Variants in EXOC4 observed in about 807,000 individuals in gnomAD.
EXOC4 encodes SEC8-like 1.
In EXOC4, 71 loss-of-function variants were observed where a neutral mutation model predicts 107.2. That is an observed-to-expected ratio of 0.66 (90% CI 0.55 to 0.81). The LOEUF (loss-of-function observed/expected upper bound fraction) is 0.81. Among genes scored for constraint, EXOC4 ranks in the 30% least tolerant of loss-of-function variants. EXOC4 has a pLI of 0.00. For missense variants in EXOC4, 1,108 were observed against 1,189.6 expected (o/e 0.93, Z 1.01); for synonymous variants, 456 against 441.2 (o/e 1.03, Z -0.42).
In EXOC4 at chr7:133,548,801, C is replaced by G. The variant is rs569085222; in HGVS notation, c.1417+68663C>G. ...GGTTGGTTTGATCTTCTATCCAGAC[C>G]ACTAAAACTTTCGCCATGTAAGAAA... On this transcript the variant is annotated intron_variant, in intron 9 of 17. Transcript: ENST00000253861. Among the ~76,000 whole-genome samples the G allele has an allele frequency of 5.9e-5, 9 of 152,314 alleles. No individual in the cohort carries two copies. The East Asian group carries it at 9.6e-4, about 16-fold the overall frequency.
chr7:134,093,063 T>A, the EXOC4 span, among the ~76,000 whole-genome samples: 1 of 151,918 alleles, frequency 6.6e-6, no homozygotes, highest in Admixed American at 6.6e-5. Context: ...AACTTCACCA[T>A]TGAATCAAAA....
At chr7:133,965,380 G>C in intron 14 of EXOC4, among the ~76,000 whole-genome samples, 1 of 152,168 alleles carries the variant, frequency 6.6e-6, no homozygotes, top group Non-Finnish European at 1.5e-5. Context: ...TGCTTTTGGT[G>C]TTTTAGTCAT....
At chr7:133,930,184 A>G (rs1222526305) in intron 13 of EXOC4, among the ~76,000 whole-genome samples, 4 of 152,152 alleles carry the variant, frequency 2.6e-5, no homozygotes, top group Admixed American at 2.6e-4. Context: ...TTCTTTTTGG[A>G]AAGTTACTGT....
intron 5 of EXOC4, among the ~76,000 whole-genome samples, chr7:133,327,384 A>T (rs1795273712): frequency 1.3e-5 from 2 of 152,158 alleles, no homozygotes; most frequent in African/African-American, 4.8e-5. Flanking sequence ...TCCAAAAACC[A>T]GCTCCTGGAT....
chr7:133,438,302 A>C (rs890887573), intron 7 of EXOC4, among the ~76,000 whole-genome samples: 14 of 152,280 alleles, frequency 9.2e-5, no homozygotes, highest in African/African-American at 3.4e-4. Context: ...AGGGCTCCTC[A>C]GAGTTCCTGA....
At chr7:133,255,910 GCTT>G (rs1363874777) in intron 1 of EXOC4, among the ~76,000 whole-genome samples, 3 of 151,906 alleles carry the variant, frequency 2.0e-5, no homozygotes, top group Non-Finnish European at 4.4e-5. Flanking sequence ...CTTGGAAGTT[GCTT>G]CTTGTATTTC....
intron 11 of EXOC4, among the ~76,000 whole-genome samples, chr7:133,888,149 C>T (rs577515494): frequency 5.0e-4 from 76 of 152,186 alleles, no homozygotes; most frequent in South Asian, 1.5e-3. Context: ...ACCACCAAAT[C>T]TTCTTGAATA....
intron 10 of EXOC4, among the ~76,000 whole-genome samples, chr7:133,643,900 T>C (rs1802923669): frequency 6.6e-6 from 1 of 152,196 alleles, no homozygotes; most frequent in African/African-American, 2.4e-5. Context: ...CTTCCTCTAC[T>C]GATCATTTTC....
intron 9 of EXOC4, among the ~76,000 whole-genome samples, chr7:133,564,641 G>A (rs1164180609): frequency 2.0e-5 from 3 of 152,126 alleles, no homozygotes; most frequent in Non-Finnish European, 2.9e-5. Flanking sequence ...CTCTTTTAGT[G>A]ATCAATTTTG....
rs148824451 is a variant in EXOC4 at position 133,750,302 on chromosome 7, A to G, written c.1515-67023A>G. On this transcript the variant is annotated intron_variant, in intron 10 of 17. Transcript: ENST00000253861. ...ATATTTCAAGCATATTTAGATCTCG[A>G]TGTGTTTAAGGATCATTGACCTGAA... 1.8e-4 allele frequency among the ~76,000 whole-genome samples: 28 copies of G among 152,130 alleles called. No individual in the cohort carries two copies. In the East Asian group the frequency reaches 4.7e-3, roughly 25 times the overall value.
chr7:133,333,603 A>G (rs931247823), intron 5 of EXOC4, among the ~76,000 whole-genome samples: 1 of 152,152 alleles, frequency 6.6e-6, no homozygotes, highest in African/African-American at 2.4e-5. Context: ...CACCATACAC[A>G]TGTATAGACA....
At chr7:133,537,117 C>T (rs530489632) in intron 9 of EXOC4, among the ~76,000 whole-genome samples, 3 of 152,036 alleles carry the variant, frequency 2.0e-5, no homozygotes, top group East Asian at 3.9e-4. Flanking sequence ...TTTCAGGAAA[C>T]CAAATCCTTT....
intron 7 of EXOC4, among the ~76,000 whole-genome samples, chr7:133,412,278 GTTTTT>G (rs35334259): frequency 4.6e-4 from 33 of 71,482 alleles, no homozygotes; most frequent in East Asian, 3.2e-3. Context: ...TCAGAATTCA[GTTTTT>G]TTTTTTTTTT....
rs943666689 is a variant in EXOC4 at position 134,019,267 on chromosome 7, A to T, written c.2687+11432A>T. On this transcript the variant is annotated intron_variant, in intron 17 of 17. Coordinates refer to ENST00000253861, the MANE Select transcript of EXOC4 (RefSeq NM_021807.4). ...TTAGAGAGCATCTGTAGCTAAATAC[A>T]AATAGGTTACCAAGAAATAGTTTTT... 1.8e-4 allele frequency among the ~76,000 whole-genome samples: 27 copies of T among 152,182 alleles called. No individual in the cohort carries two copies. In the East Asian group the frequency reaches 4.8e-3, roughly 27 times the overall value.
intron 13 of EXOC4, among the ~76,000 whole-genome samples, chr7:133,923,124 T>C (rs868758557): frequency 6.9e-6 from 1 of 145,856 alleles, no homozygotes; most frequent in African/African-American, 2.6e-5. Flanking sequence ...GGTAAGAGTT[T>C]ACACTTTTTT....
chr7:133,729,475 A>G (rs946119438), intron 10 of EXOC4, among the ~76,000 whole-genome samples: 2 of 152,138 alleles, frequency 1.3e-5, no homozygotes, highest in African/African-American at 4.8e-5. Flanking sequence ...GGAGAAACAC[A>G]TAAAAGATAC....
intron 12 of EXOC4, among the ~76,000 whole-genome samples, chr7:133,907,130 C>G (rs1274442340): frequency 3.9e-5 from 6 of 152,204 alleles, no homozygotes; most frequent in African/African-American, 1.4e-4. Flanking sequence ...TGATCTGTCT[C>G]TTGAAGCTAT....
At chr7:133,425,787 G>C (rs1764400683) in intron 7 of EXOC4, among the ~76,000 whole-genome samples, 1 of 152,140 alleles carries the variant, frequency 6.6e-6, no homozygotes, top group Non-Finnish European at 1.5e-5. Context: ...GATCTCCACA[G>C]TTCTTTCTCC....
intron 12 of EXOC4, among the ~76,000 whole-genome samples, chr7:133,914,435 A>G (rs1799761143): frequency 6.6e-6 from 1 of 152,114 alleles, no homozygotes; most frequent in Non-Finnish European, 1.5e-5. Context: ...TATGCAAAGA[A>G]CTGTTTCATT....
Sources: gnomAD v4.1 joint callset for allele counts (sites outside exome capture counted in the v4.1 genomes callset) on GRCh38, gnomAD v4.1.1 for gene constraint, MANE v1.5 for transcripts, NCBI Gene and HGNC (gene_info 2026-07-23, HGNC 2026-07-21) for gene names.